The following SLC29A2 variants were observed in gnomAD, a reference collection of about 807,000 sequenced individuals.
The protein encoded by SLC29A2 is equilibrative nucleoside transporter 2.
In SLC29A2, 37 loss-of-function variants were observed where a neutral mutation model predicts 48.8. That is an observed-to-expected ratio of 0.76 (90% confidence interval 0.58 to 1.00). The LOEUF is 1.00. Ranked by LOEUF, SLC29A2 falls within the 50% of genes least tolerant of loss-of-function variation. The pLI is 0.00. For missense variants in SLC29A2, 533 were observed against 578.6 expected (o/e 0.92, Z 0.81); for synonymous variants, 233 against 261.7 (o/e 0.89, Z 1.06).
rs966039189 is a variant in SLC29A2, at chr11:66,371,757, T to C, written c.-166A>G. 1 of 653,930 alleles carries C rather than the reference T, an allele frequency of 1.5e-6. No homozygotes were observed. Among genetic ancestry groups the C allele is most frequent in the Non-Finnish European group, 2.6e-6 (1 of 389,186 alleles). 40.5% of individuals were successfully genotyped at this position (653,930 alleles called of 1,614,324 possible). On this transcript the variant is annotated 5_prime_UTR_variant, in exon 1 of 12. Transcript: ENST00000357440. ...GTAGCCTCGGGCGGATTTCGGCGTG[T>C]CTCGCGCTCCGCAGGCTGGGACCTG... is the stretch of plus-strand genomic sequence containing the variant.
Position 66,371,325 on chromosome 11 carries a change from G to C in SLC29A2, c.30C>G (p.Ser10Arg), listed in dbSNP as rs1304870756. The C allele has an allele frequency of 1.2e-6, 2 of 1,613,630 alleles. No individual in the cohort carries two copies. The highest frequency in any genetic ancestry group is 2.2e-5 in the East Asian group (1 of 44,890). ...AGAAGCTGATCCCGACCAGGTGGTA[G>C]CTGTGGGGATCGGTGGGAAGGTCAC... MARGDAPRD[S>R]YHLVGISFFI... The change falls in exon 2 of 12, where the codon AGC (serine) becomes AGG (arginine). Residue 10 changes from serine to arginine, a missense_variant and splice_region_variant. Ser to Arg is a moderately radical substitution (Grantham distance 110). Transcript: ENST00000357440.
chr11:66,371,640 C>G lies in SLC29A2; in HGVS notation c.-49G>C. ...GGGTGAAAGGGGCAGAGAAGCCGCACCTGCACCTGCGCTGGGGCGGAGGGC... is the reference window on the plus strand; with the variant it reads ...GGGTGAAAGGGGCAGAGAAGCCGCAGCTGCACCTGCGCTGGGGCGGAGGGC... On this transcript the variant is annotated 5_prime_UTR_variant, in exon 1 of 12. Transcript: ENST00000357440. 2.6e-6 allele frequency: 4 copies of G among 1,531,516 alleles called. No individual in the cohort carries two copies. The highest frequency in any genetic ancestry group is 3.5e-6 in the Non-Finnish European group (4 of 1,142,626). The allele number at this position is 1,531,516 out of a possible 1,614,324, so 94.9% of individuals were successfully genotyped here.
In SLC29A2 at chr11:66,364,106, G is replaced by A. The variant is rs1401152307; in HGVS notation, c.1259+119C>T. Reference sequence around the variant, plus strand: ...GGGGCGCCAGCAAGGCCTGCAGACAGCTAGGGTTGGGCTGGCCAGAAGCAG... The same window carrying A: ...GGGGCGCCAGCAAGGCCTGCAGACAACTAGGGTTGGGCTGGCCAGAAGCAG... On this transcript the variant is annotated intron_variant, in intron 11 of 11. Coordinates refer to ENST00000357440, the MANE Select transcript of SLC29A2 (RefSeq NM_001532.3). 3 of 860,482 alleles carry A rather than the reference G, an allele frequency of 3.5e-6. No individual in the cohort carries two copies. In the African/African-American group the frequency reaches 5.0e-5, roughly 14 times the overall value. 53.3% of individuals were successfully genotyped at this position (860,482 alleles called of 1,614,324 possible). A position where few individuals can be genotyped will look rare whatever the true frequency, so the allele number is the denominator to read the frequency against.
chr11:66,366,150 T>C lies in SLC29A2; in HGVS notation c.949A>G (p.Ser317Gly), dbSNP rs1429512398. The C allele has an allele frequency of 6.2e-7, 1 of 1,614,100 alleles. No homozygotes were observed. Among genetic ancestry groups the C allele is most frequent in the Non-Finnish European group, 8.5e-7 (1 of 1,179,956 alleles). ...VFPAITAMVT[S>G]STSPGKWSQF... ...CTCCACTTCCCAGGACTGGTGGAGC[T>C]GGTCACCATGGCTGTGATGGCGGGG... Residue 317 changes from serine (S) to glycine (G), a missense_variant, in exon 9 of 12, where the codon AGC becomes GGC. Transcript: ENST00000357440.
At chr11:66,369,327 C>T (rs1230083741) in intron 3 of SLC29A2, 42 bp downstream of exon 3, 9 of 1,612,984 alleles carry the variant, frequency 5.6e-6, no homozygotes, top group Non-Finnish European at 6.8e-6. Flanking sequence ...CTCAATGAAG[C>T]TGCCTCGGCA....
intron 4 of SLC29A2, 87 bp downstream of exon 4, chr11:66,368,973 C>T: frequency 6.7e-7 from 1 of 1,482,802 alleles, no homozygotes; most frequent in Non-Finnish European, 9.2e-7. Context: ...TGCTGTCTGC[C>T]CTTCTCGGAT....
chr11:66,367,075 G>T (rs1312561310), intron 7 of SLC29A2, among the ~76,000 whole-genome samples: 1 of 152,238 alleles, frequency 6.6e-6, no homozygotes, highest in Non-Finnish European at 1.5e-5. Context: ...TGGGTCGGGT[G>T]ATGAGCGAAG....
At chr11:66,369,279 G>C in intron 3 of SLC29A2, 80 bp from the exon 4 acceptor site, 1 of 1,595,386 alleles carries the variant, frequency 6.3e-7, no homozygotes, top group South Asian at 1.1e-5. Context: ...CCTGGGGCTG[G>C]GCAGTAGGGC....
At chr11:66,365,415 C>T (rs915555788) in intron 10 of SLC29A2, among the ~76,000 whole-genome samples, 2 of 152,232 alleles carry the variant, frequency 1.3e-5, no homozygotes, top group East Asian at 3.8e-4. Context: ...TTGTGCTCTC[C>T]ACCGCATCTA....
At chr11:66,364,453 C>T in intron 10 of SLC29A2, 29 bp from the exon 11 acceptor site, 1 of 1,578,308 alleles carries the variant, frequency 6.3e-7, no homozygotes, top group East Asian at 2.3e-5. Flanking sequence ...TCAGCATGGT[C>T]CCTGGAGCCA....
At position 66,363,398 on chromosome 11, in the gene SLC29A2, G is replaced by T. The variant is rs765488621; in HGVS notation, c.*38C>A. ...CTGGATCTCAGCTCCGGAAGGAGAC[G>T]TCGAGAAGAGGCTGCCAAAGAGCCT... On this transcript the variant is annotated 3_prime_UTR_variant, in exon 12 of 12. Transcript: ENST00000357440. The T allele has an allele frequency of 6.7e-7, 1 of 1,501,318 alleles. No individual in the cohort carries two copies. Among genetic ancestry groups the T allele is most frequent in the African/African-American group, 1.4e-5 (1 of 72,776 alleles). 93.0% of individuals were successfully genotyped at this position (1,501,318 alleles called of 1,614,324 possible). A position where few individuals can be genotyped will look rare whatever the true frequency, so the allele number is the denominator to read the frequency against.
Position 66,369,374 on chromosome 11 carries a change from G to GT in SLC29A2, c.269dup (p.Tyr90Ter). The change falls in exon 3 of 12, where the codon TAC (tyrosine) becomes TAAC (stop). Residue 90 changes from tyrosine (Y) to a stop codon, truncating the protein, a stop_gained and frameshift_variant. Coordinates refer to ENST00000357440, the MANE Select transcript of SLC29A2 (RefSeq NM_001532.3). LOFTEE classifies it high-confidence loss of function. Reference protein sequence around the residue: ...LLFTLLNSFLYQCVPETVRIL... With the variant: ...LLFTLLNSFL ...AGCCAGGGCAGGCCTCTCACCACTG[G>GT]TACAGGAAGGAGTTGAGGAGGGTGA... 2 of 1,614,022 alleles carry GT rather than the reference G, an allele frequency of 1.2e-6. No homozygotes were observed. Among genetic ancestry groups the GT allele is most frequent in the Non-Finnish European group, 1.7e-6 (2 of 1,179,948 alleles).
chr11:66,366,277 G>T (rs749049141), intron 8 of SLC29A2, 46 bp from the exon 9 acceptor site: 2 of 1,598,594 alleles, frequency 1.3e-6, no homozygotes, highest in Non-Finnish European at 1.7e-6. Context: ...CAGTCCCAGG[G>T]CCCCACCCTC....
In SLC29A2 at chr11:66,364,350, G is replaced by A. The variant is rs1269348341; in HGVS notation, c.1134C>T (p.Cys378=). 3 of 1,614,044 alleles carry A rather than the reference G, an allele frequency of 1.9e-6. No homozygotes were observed. The Admixed American group carries it at 5.0e-5, about 27-fold the overall frequency. Residue 378 remains cysteine, a synonymous_variant, in exon 11 of 12, where the codon TGC becomes TGT. Coordinates refer to ENST00000357440, the MANE Select transcript of SLC29A2 (RefSeq NM_001532.3). ...RFLFVPLFML[C]HVPQRSRLPI... ...GCAGCCGGGACCTCTGGGGCACGTG[G>A]CACAGCATGAAGAGGGGCACGAACA... is the stretch of plus-strand genomic sequence containing the variant.
chr11:66,371,422 CG>C, intron 1 of SLC29A2, 97 bp from the exon 2 acceptor site: 9 of 1,520,728 alleles, frequency 5.9e-6, no homozygotes, highest in Non-Finnish European at 8.1e-6. Context: ...ACTACAACCC[CG>C]ATCACCCCGG....
In SLC29A2 at chr11:66,370,684, C is replaced by T. The variant is rs1452840411; in HGVS notation, c.111+560G>A. Among the ~76,000 whole-genome samples the T allele has an allele frequency of 2.6e-5, 4 of 151,830 alleles. No individual in the cohort carries two copies. In the South Asian group the frequency reaches 6.2e-4, roughly 24 times the overall value. Reference sequence around the variant, plus strand: ...CATCCTGGCTAACACGGTGAAACCCCGTCTCTACTAAAAATACAAAAAAAA... The same window carrying T: ...CATCCTGGCTAACACGGTGAAACCCTGTCTCTACTAAAAATACAAAAAAAA... On this transcript the variant is annotated intron_variant, in intron 2 of 11. Coordinates refer to ENST00000357440, the MANE Select transcript of SLC29A2 (RefSeq NM_001532.3).
chr11:66,369,673 T>A, intron 2 of SLC29A2, 141 bp from the exon 3 acceptor site: 1 of 974,650 alleles, frequency 1.0e-6, no homozygotes, highest in Middle Eastern at 3.0e-4. Context: ...CGGCACACAG[T>A]CGGAGCTCCA....
chr11:66,371,601 G>C lies in SLC29A2; in HGVS notation c.-10C>G, dbSNP rs1359210751. The C allele has an allele frequency of 1.3e-6, 2 of 1,548,294 alleles. No individual in the cohort carries two copies. Among genetic ancestry groups the C allele is most frequent in the East Asian group, 4.8e-5 (2 of 41,342 alleles). On this transcript the variant is annotated 5_prime_UTR_variant, in exon 1 of 12. Transcript: ENST00000357440. ...CGTCTCCTCGCGCCATGGCCGCCGC[G>C]GCGGATGCGCCTGGGGTGAAAGGGG...
chr11:66,364,230 C>T lies in SLC29A2; in HGVS notation c.1254G>A (p.Ala418=), dbSNP rs561138163. The T allele has an allele frequency of 6.8e-6, 11 of 1,606,488 alleles. No individual in the cohort carries two copies. The highest frequency in any genetic ancestry group is 4.4e-5 in the South Asian group (4 of 90,066). ...GYLVSLTMCL[A]PRQVLPHERE... is the part of the protein sequence containing the mutation. ...CCCACCCCATTGCCCCGGACCTGGGCGCCAGGCACATGGTGAGGGACACCA... is the reference window on the plus strand; with the variant it reads ...CCCACCCCATTGCCCCGGACCTGGGTGCCAGGCACATGGTGAGGGACACCA... The change falls in exon 11 of 12, where the codon GCG becomes GCA. Residue 418 remains alanine (A), a synonymous_variant. Transcript: ENST00000357440.
Sources: allele counts gnomAD v4.1 joint callset (sites outside exome capture counted in the v4.1 genomes callset), GRCh38; gene constraint gnomAD v4.1.1; transcripts MANE v1.5; gene names NCBI Gene and HGNC (gene_info 2026-07-23, HGNC 2026-07-21).